Variants in ATG4C observed in about 807,000 individuals in gnomAD.
ATG4C encodes cysteine protease ATG4C.
Under a neutral mutation model 57.6 loss-of-function variants are expected in ATG4C, and 56 were observed. The observed-to-expected ratio is 0.97, with a 90% CI of 0.78 to 1.21. The LOEUF (loss-of-function observed/expected upper bound fraction) is 1.21, where lower values mean the gene tolerates loss of function less well. ATG4C is among the 50% of genes most tolerant of loss of function. The pLI is 0.00. For synonymous variants in ATG4C, 157 were observed against 174.1 expected, an observed-to-expected ratio of 0.90 and a Z score of 0.78; for missense variants, 595 against 529.8, an observed-to-expected ratio of 1.12 and a Z score of -1.21.
At chr1:62,787,779 T>C (rs1325474166) in intron 1 of ATG4C, among the ~76,000 whole-genome samples, 1 of 152,042 alleles carries the variant, frequency 6.6e-6, no homozygotes, top group Non-Finnish European at 1.5e-5. Flanking sequence ...TATAGAATTG[T>C]TGTGAGAATT....
chr1:62,821,279 C>T (rs1260392022), intron 6 of ATG4C, 70 bp downstream of exon 6: 4 of 965,694 alleles, frequency 4.1e-6, no homozygotes, highest in African/African-American at 3.4e-5. Context: ...TAGCTTATCC[C>T]AGTAATACTG....
intron 9 of ATG4C, chr1:62,835,442 C>G (rs1358210076): frequency 6.3e-6 from 2 of 319,620 alleles, no homozygotes. Flanking sequence ...ATAAATGAAA[C>G]ATGTAATTAT....
intron 10 of ATG4C, among the ~76,000 whole-genome samples, chr1:62,855,086 T>G (rs1666643275): frequency 6.6e-6 from 1 of 152,158 alleles, no homozygotes; most frequent in Admixed American, 6.5e-5. Flanking sequence ...GGGTATTGGT[T>G]GCAAGGAGGG....
At chr1:62,830,974 T>G (rs1172464963) in intron 7 of ATG4C, among the ~76,000 whole-genome samples, 1 of 152,138 alleles carries the variant, frequency 6.6e-6, no homozygotes, top group Non-Finnish European at 1.5e-5. Flanking sequence ...AGAAGTCAAG[T>G]GATATATCCA....
intron 10 of ATG4C, among the ~76,000 whole-genome samples, chr1:62,847,209 C>T (rs949184280): frequency 2.1e-5 from 3 of 143,594 alleles, no homozygotes; most frequent in Non-Finnish European, 4.5e-5. Flanking sequence ...ATAAGTCTTA[C>T]TGAAGCATTG....
At chr1:62,798,489 T>C (rs72917235) in intron 1 of ATG4C, among the ~76,000 whole-genome samples, 5,860 of 152,292 alleles carry the variant, frequency 0.038, 387 homozygotes, top group African/African-American at 0.13. Context: ...TGTTTTAATA[T>C]GTGGTAAGGC....
intron 10 of ATG4C, among the ~76,000 whole-genome samples, chr1:62,863,529 C>T (rs1666915532): frequency 6.6e-6 from 1 of 151,920 alleles, no homozygotes; most frequent in African/African-American, 2.4e-5. Context: ...TGTCCAAGGT[C>T]ACATCAAGGT....
chr1:62,815,072 A>C (rs1212140224), intron 3 of ATG4C, among the ~76,000 whole-genome samples: 1 of 151,960 alleles, frequency 6.6e-6, no homozygotes, highest in African/African-American at 2.4e-5. Context: ...CTCAAAAACT[A>C]AAAATAAATA....
chr1:62,821,115 A>G, intron 5 of ATG4C, 24 bp from the exon 6 acceptor site: 1 of 1,554,180 alleles, frequency 6.4e-7, no homozygotes, highest in Non-Finnish European at 8.7e-7. Flanking sequence ...GGATTTTGAA[A>G]GATAATGCTT....
chr1:62,830,059 T>C (rs557786940), intron 7 of ATG4C, among the ~76,000 whole-genome samples: 1 of 152,242 alleles, frequency 6.6e-6, no homozygotes, highest in South Asian at 2.1e-4. Flanking sequence ...TCAGGGTAGA[T>C]TGTGCTAATT....
chr1:62,861,523 G>T (rs563514189), intron 10 of ATG4C, among the ~76,000 whole-genome samples: 1 of 151,622 alleles, frequency 6.6e-6, no homozygotes, highest in Admixed American at 6.6e-5. Flanking sequence ...CTGCACTCCA[G>T]CCTGGACGAC....
Position 62,829,080 on chromosome 1 carries a change from G to T in ATG4C, c.837G>T (p.Met279Ile). Reference protein sequence around the residue: ...SDVIDKQSASMTSDNADDKAV... With the variant: ...SDVIDKQSASITSDNADDKAV... The stretch of plus-strand genomic sequence containing the variant: ...TAATTGATAAACAGAGTGCTTCCAT[G>T]ACTTCTGATAATGCAGATGACAAAG... The change falls in exon 7 of 11, where the codon ATG becomes ATT. Residue 279 changes from methionine to isoleucine, a missense_variant. Coordinates refer to ENST00000317868, the MANE Select transcript of ATG4C (RefSeq NM_032852.4). 1 of 1,612,746 alleles carries T rather than the reference G, an allele frequency of 6.2e-7. No homozygotes were observed. The highest frequency in any genetic ancestry group is 1.1e-5 in the South Asian group (1 of 90,906).
At chr1:62,854,826 G>T (rs1169432164) in intron 10 of ATG4C, among the ~76,000 whole-genome samples, 2 of 152,088 alleles carry the variant, frequency 1.3e-5, no homozygotes, top group East Asian at 1.9e-4. Context: ...TTTTCTCAAA[G>T]AAAAGTTTTG....
intron 10 of ATG4C, among the ~76,000 whole-genome samples, chr1:62,861,543 G>A (rs1666853461): frequency 6.6e-6 from 1 of 151,196 alleles, no homozygotes. Flanking sequence ...CAGAGTGAGA[G>A]TATGTTTCAG....
At chr1:62,800,491 A>G (rs1242543881) in intron 1 of ATG4C, among the ~76,000 whole-genome samples, 1 of 152,186 alleles carries the variant, frequency 6.6e-6, no homozygotes, top group Non-Finnish European at 1.5e-5. Context: ...GATTCTGCAT[A>G]GTGTTTCCCC....
At chr1:62,837,263 A>G (rs867978507) in intron 9 of ATG4C, among the ~76,000 whole-genome samples, 10 of 152,182 alleles carry the variant, frequency 6.6e-5, no homozygotes, top group Admixed American at 1.3e-4. Flanking sequence ...TGAGTTTTTA[A>G]CACATTGTGA....
chr1:62,790,609 A>G (rs1390934974), intron 1 of ATG4C, among the ~76,000 whole-genome samples: 3 of 152,210 alleles, frequency 2.0e-5, no homozygotes, highest in Non-Finnish European at 4.4e-5. Flanking sequence ...ACTTTTTAAT[A>G]TACTCTTTGT....
intron 1 of ATG4C, among the ~76,000 whole-genome samples, chr1:62,792,290 C>T (rs1489818816): frequency 2.6e-5 from 4 of 152,150 alleles, no homozygotes; most frequent in East Asian, 3.9e-4. Flanking sequence ...CCACCACGCC[C>T]GGCCTTATCT....
Position 62,829,042 on chromosome 1 carries a change from T to C in ATG4C, c.799T>C (p.Tyr267His). 2 of 1,604,442 alleles carry C rather than the reference T, an allele frequency of 1.2e-6. No homozygotes were observed. The highest frequency in any genetic ancestry group is 1.7e-6 in the Non-Finnish European group (2 of 1,176,410). Residue 267 changes from tyrosine (Y) to histidine (H), a missense_variant and splice_region_variant, in exon 7 of 11, where the codon TAC (tyrosine) becomes CAC (histidine). By Grantham distance (83) the Tyr-to-His change is moderately conservative. Coordinates refer to ENST00000317868, the MANE Select transcript of ATG4C (RefSeq NM_032852.4). ...TIYVAQDCTVYNSDVIDKQSA... is the reference protein window; with the variant it reads ...TIYVAQDCTVHNSDVIDKQSA... Reference sequence around the variant, plus strand: ...CATATTCATTATGTTTTTCTCAGTTTACAATTCTGATGTAATTGATAAACA... The same window carrying C: ...CATATTCATTATGTTTTTCTCAGTTCACAATTCTGATGTAATTGATAAACA...
Sources: gnomAD v4.1 joint callset for allele counts (sites outside exome capture counted in the v4.1 genomes callset) on GRCh38, gnomAD v4.1.1 for gene constraint, MANE v1.5 for transcripts, NCBI Gene and HGNC (gene_info 2026-07-23, HGNC 2026-07-21) for gene names.